Variants in SMTN observed in about 807,000 individuals in gnomAD.
SMTN encodes smoothelin.
SMTN carries 58 observed loss-of-function variants against 102.0 expected under a neutral mutation model. The observed-to-expected ratio is 0.57, with a 90% CI of 0.46 to 0.71. The LOEUF (loss-of-function observed/expected upper bound fraction) is 0.71. Among genes scored for constraint, SMTN ranks in the 30% least tolerant of loss-of-function variants. The pLI, the probability that SMTN is intolerant of heterozygous loss-of-function variation, is 0.00. For missense variants in SMTN, 1,185 were observed against 1,241.7 expected, an observed-to-expected ratio of 0.95 and a Z score of 0.69; for synonymous variants, 478 against 497.9, an observed-to-expected ratio of 0.96 and a Z score of 0.53.
Position 31,095,668 on chromosome 22 carries a change from C to A in SMTN, c.1861+59C>A. On this transcript the variant is annotated intron_variant, in intron 13 of 20. Transcript: ENST00000333137. This position sits in a 1 kb window ranked among gnomAD's most constrained non-coding sequence, Gnocchi z 4.1. The stretch of plus-strand genomic sequence containing the variant: ...TGCCCCATTCCCCAGCTGCTCCCCT[C>A]ATACTCTGGGGTCCATTTGTGGACA... The A allele has an allele frequency of 6.8e-7, 1 of 1,472,402 alleles. No individual in the cohort carries two copies. The highest frequency in any genetic ancestry group is 9.3e-7 in the Non-Finnish European group (1 of 1,073,806). The allele number at this position is 1,472,402 out of a possible 1,614,324, so 91.2% of individuals were successfully genotyped here.
In SMTN at chr22:31,088,468, G is replaced by T; in HGVS notation, c.201-45G>T. ...CCTACCCTTAGCCCACATCCTCCAC[G>T]ACCTGGCCATGGCAGTGGTGGTTAC... On this transcript the variant is annotated intron_variant, in intron 3 of 20. Transcript: ENST00000333137. The T allele has an allele frequency of 1.9e-6, 3 of 1,550,500 alleles. No individual in the cohort carries two copies. In the South Asian group the frequency reaches 3.4e-5, roughly 18 times the overall value.
intron 2 of SMTN, among the ~76,000 whole-genome samples, chr22:31,084,788 C>T (rs2042549820): frequency 6.6e-6 from 1 of 152,260 alleles, no homozygotes; most frequent in African/African-American, 2.4e-5. Context: ...AGAACCTGCC[C>T]CGGTCTCGGG....
chr22:31,075,010 A>G (rs1187663947), intron 1 of SMTN, among the ~76,000 whole-genome samples: 3 of 152,146 alleles, frequency 2.0e-5, no homozygotes, highest in African/African-American at 7.2e-5. Flanking sequence ...TACAGAGGAG[A>G]AAACAAGAGC....
intron 1 of SMTN, chr22:31,066,370 A>T (rs1031946536): frequency 4.6e-5 from 7 of 151,782 alleles, no homozygotes; most frequent in African/African-American, 1.5e-4. Context: ...GTACAGTTGC[A>T]CGATCTTGGC....
chr22:31,087,896 C>A, intron 2 of SMTN, 69 bp from the exon 3 acceptor site: 1 of 1,487,950 alleles, frequency 6.7e-7, no homozygotes, highest in Non-Finnish European at 9.0e-7. Context: ...CTAGGCAGAG[C>A]CGTGGGCAGC....
intron 1 of SMTN, among the ~76,000 whole-genome samples, chr22:31,069,776 C>T (rs1201926643): frequency 1.3e-5 from 2 of 152,228 alleles, no homozygotes; most frequent in South Asian, 2.1e-4. Flanking sequence ...ACTGCACCCT[C>T]GCTCAGGGCT....
At chr22:31,078,400 C>A (rs569499055), upstream of SMTN, among the ~76,000 whole-genome samples, 1 of 152,332 alleles carries the variant, frequency 6.6e-6, no homozygotes, top group South Asian at 2.1e-4. Context: ...TCCCATTCTG[C>A]CTTTCCAGGG....
Position 31,083,263 on chromosome 22 carries a change from C to T in SMTN, c.5C>T (p.Ala2Val), listed in dbSNP as rs748966600. The T allele has an allele frequency of 2.2e-5, 35 of 1,596,158 alleles. No homozygotes were observed. The highest frequency in any genetic ancestry group is 4.0e-5 in the African/African-American group (3 of 74,812). Residue 2 changes from alanine (A) to valine (V), a missense_variant, in exon 2 of 21, where the codon GCG (alanine) becomes GTG (valine). By Grantham distance (64) the Ala-to-Val change is moderately conservative (BLOSUM62 0). Transcript: ENST00000333137. M[A>V]DEALAGLDEG... is the part of the protein sequence containing the mutation. The stretch of plus-strand genomic sequence containing the variant: ...ACGGAGCTAGGGGCCAGCGAGATGG[C>T]GGACGAGGCCTTAGCTGGGCTGGAT...
intron 1 of SMTN, among the ~76,000 whole-genome samples, chr22:31,074,338 C>T (rs2042078303): frequency 6.6e-6 from 1 of 152,106 alleles, no homozygotes; most frequent in Admixed American, 6.5e-5. Context: ...CATGATCGCA[C>T]CACTGCACTC....
At position 31,099,555 on chromosome 22, in the gene SMTN, T is replaced by C. The variant is rs115899290; in HGVS notation, c.2452-190T>C. The C allele has an allele frequency of 3.1e-3, 1,957 of 638,626 alleles. 39 individuals carry two copies. In the African/African-American group the frequency reaches 0.033, roughly 11 times the overall value. 39.6% of individuals were successfully genotyped at this position (638,626 alleles called of 1,614,324 possible). On this transcript the variant is annotated intron_variant, in intron 18 of 20. Coordinates refer to ENST00000333137, the MANE Select transcript of SMTN (RefSeq NM_134269.3). ...CTGGGCCTCTCAGTAGCTCTGTCCC[T>C]TGAAATTGCAAATATGGGAGTTGAC...
At chr22:31,074,528 A>C (rs1602573656) in intron 1 of SMTN, among the ~76,000 whole-genome samples, 1 of 151,742 alleles carries the variant, frequency 6.6e-6, no homozygotes, top group African/African-American at 2.4e-5. Flanking sequence ...GGTGGCTCAC[A>C]CCTGTAATCC....
chr22:31,097,804 G>C (rs2043724213), intron 16 of SMTN, among the ~76,000 whole-genome samples: 1 of 152,138 alleles, frequency 6.6e-6, no homozygotes, highest in South Asian at 2.1e-4. Flanking sequence ...AGCCAGGGAG[G>C]GGCAAAGTGA....
intron 6 of SMTN, 75 bp downstream of exon 6, chr22:31,089,044 G>T: frequency 1.6e-6 from 2 of 1,236,146 alleles, no homozygotes; most frequent in South Asian, 2.5e-5. Context: ...GAGTGTCTTT[G>T]CTAGGCTGGT....
rs1245980895 is a variant in SMTN at position 31,091,378 on chromosome 22, A to G, written c.1355A>G (p.Glu452Gly). 6.2e-6 allele frequency: 10 copies of G among 1,601,812 alleles called. No individual in the cohort carries two copies. The highest frequency in any genetic ancestry group is 8.5e-6 in the Non-Finnish European group (10 of 1,177,254). ...CTGCCCGTGGCCGTCGGCACTGCCG[A>G]GCCAGGGGGCAGTATGAAGACCACA... is the stretch of plus-strand genomic sequence containing the variant. ...APLPVAVGTA[E>G]PGGSMKTTFT... is the part of the protein sequence containing the mutation. Residue 452 changes from glutamate (E) to glycine (G), a missense_variant, in exon 10 of 21, where the codon GAG (glutamate) becomes GGG (glycine). Glu to Gly is a moderately conservative substitution (Grantham distance 98, BLOSUM62 -2). This residue lies in a region of SMTN where 1,096 missense variants were observed against 1,112.7 expected (regional missense o/e 0.98). Transcript: ENST00000333137.
chr22:31,077,754 C>T (rs1191452372), upstream of SMTN, among the ~76,000 whole-genome samples: 1 of 152,170 alleles, frequency 6.6e-6, no homozygotes, highest in Non-Finnish European at 1.5e-5. Context: ...CATCTGAGGC[C>T]CCTTCTCCTC....
chr22:31,082,496 G>A (rs1369560931), intron 1 of SMTN: 1 of 477,720 alleles, frequency 2.1e-6, no homozygotes, highest in Non-Finnish European at 4.3e-6. Context: ...ACAAATCCTT[G>A]GCCCTCTCCA....
intron 1 of SMTN, chr22:31,082,730 T>G: frequency 1.3e-6 from 1 of 775,340 alleles, no homozygotes; most frequent in Non-Finnish European, 2.1e-6. Flanking sequence ...GAACTACGGG[T>G]TCAGCCCACA....
chr22:31,074,371 G>A (rs1306605562), intron 1 of SMTN, among the ~76,000 whole-genome samples: 2 of 151,700 alleles, frequency 1.3e-5, no homozygotes, highest in Non-Finnish European at 2.9e-5. Context: ...CAGAGATCCT[G>A]TCTTAAAAAA....
chr22:31,086,414 G>T (rs2042706074), intron 2 of SMTN, among the ~76,000 whole-genome samples: 1 of 152,174 alleles, frequency 6.6e-6, no homozygotes, highest in East Asian at 1.9e-4. Context: ...TAGGGTTTTT[G>T]TGGGCTTAGG....
Sources: gnomAD v4.1 joint callset for allele counts (sites outside exome capture counted in the v4.1 genomes callset) on GRCh38, gnomAD v4.1.1 for gene constraint, gnomAD v4.1.1 regional missense constraint, Gnocchi (gnomAD v3.1) non-coding constraint, MANE v1.5 for transcripts, NCBI Gene and HGNC (gene_info 2026-07-23, HGNC 2026-07-21) for gene names.